The following PRPSAP1 variants were observed in gnomAD, a reference collection of about 807,000 sequenced individuals.
PRPSAP1 encodes phosphoribosyl pyrophosphate synthetase associated protein 1.
In PRPSAP1, 31 loss-of-function variants were observed where a neutral mutation model predicts 39.4. The observed-to-expected ratio is 0.79, with a 90% confidence interval of 0.59 to 1.06. The LOEUF (loss-of-function observed/expected upper bound fraction) is 1.06, where lower values mean the gene tolerates loss of function less well. Among genes scored for constraint, PRPSAP1 ranks in the 50% least tolerant of loss-of-function variants. The pLI, the probability that PRPSAP1 is intolerant of heterozygous loss-of-function variation, is 0.00. For missense variants in PRPSAP1, 430 were observed against 511.6 expected (o/e 0.84, Z 1.54); for synonymous variants, 212 against 192.6 (o/e 1.10, Z -0.83).
At chr17:76,314,508 C>T (rs542660743) in intron 7 of PRPSAP1, 38 of 152,508 alleles carry the variant, frequency 2.5e-4, no homozygotes, top group Non-Finnish European at 4.7e-4. Context: ...TGAGCCACCA[C>T]GCCCAACCTG....
intron 8 of PRPSAP1, 156 bp downstream of exon 8, chr17:76,313,665 A>C: frequency 1.4e-6 from 1 of 714,358 alleles, no homozygotes. Flanking sequence ...TCACCTGGAT[A>C]CAGGTTTCTG....
rs756646500 is a variant in PRPSAP1, at chr17:76,332,482, C to T, written c.291-47G>A. ...TTTGGGGATTAATTCCATGTATCAA[C>T]CCTAGAAAAGATCTTGACTTTATCA... On this transcript the variant is annotated intron_variant, in intron 3 of 9. Coordinates refer to ENST00000446526, the MANE Select transcript of PRPSAP1 (RefSeq NM_002766.3). The T allele has an allele frequency of 5.0e-6, 8 of 1,600,880 alleles. No homozygotes were observed. The South Asian group carries it at 5.5e-5, about 11-fold the overall frequency.
chr17:76,330,436 G>T, intron 5 of PRPSAP1, 115 bp downstream of exon 5: 1 of 758,292 alleles, frequency 1.3e-6, no homozygotes. Context: ...CTCAGGCATT[G>T]TGACTTAAGG....
intron 7 of PRPSAP1, among the ~76,000 whole-genome samples, chr17:76,327,514 G>A (rs771491004): frequency 2.0e-5 from 3 of 152,042 alleles, no homozygotes; most frequent in African/African-American, 4.8e-5. Context: ...TTAGCTCGGC[G>A]TGTTGGCGCG....
chr17:76,353,035 C>A (rs960585225), intron 1 of PRPSAP1: 1 of 153,674 alleles, frequency 6.5e-6, no homozygotes, highest in African/African-American at 2.4e-5. Context: ...CTGGAATTGC[C>A]TTCTTCGCAC....
At chr17:76,330,784 G>T in intron 4 of PRPSAP1, 118 bp from the exon 5 acceptor site, 1 of 590,886 alleles carries the variant, frequency 1.7e-6, no homozygotes, top group Non-Finnish European at 3.0e-6. Context: ...GGGGTACTGT[G>T]ATTAAGCACT....
chr17:76,333,781 C>T (rs1359128178), intron 3 of PRPSAP1, among the ~76,000 whole-genome samples: 1 of 152,192 alleles, frequency 6.6e-6, no homozygotes, highest in Non-Finnish European at 1.5e-5. Flanking sequence ...GAAGGAAAGG[C>T]AATTTCCAAT....
At chr17:76,318,055 CA>C (rs1366984644) in intron 7 of PRPSAP1, among the ~76,000 whole-genome samples, 1 of 152,162 alleles carries the variant, frequency 6.6e-6, no homozygotes, top group Non-Finnish European at 1.5e-5. Flanking sequence ...ATGCCAGCAG[CA>C]CCCCAGCTCC....
chr17:76,320,591 ATTT>A (rs34656314), intron 7 of PRPSAP1, among the ~76,000 whole-genome samples: 1 of 139,158 alleles, frequency 7.2e-6, no homozygotes. Context: ...CGTCCAGCTA[ATTT>A]TTTTTTTTTT....
intron 7 of PRPSAP1, 52 bp from the exon 8 acceptor site, chr17:76,313,943 G>C: frequency 6.3e-7 from 1 of 1,586,710 alleles, no homozygotes; most frequent in Non-Finnish European, 8.6e-7. Context: ...TATCACTAGA[G>C]AAATGTAATC....
intron 6 of PRPSAP1, among the ~76,000 whole-genome samples, chr17:76,329,467 G>A (rs764373227): frequency 3.3e-5 from 5 of 152,168 alleles, no homozygotes; most frequent in Admixed American, 3.3e-4. Flanking sequence ...GGGCACAGTG[G>A]CTTACGCCTG....
At chr17:76,347,378 T>C (rs1027095462) in intron 2 of PRPSAP1, among the ~76,000 whole-genome samples, 1 of 148,928 alleles carries the variant, frequency 6.7e-6, no homozygotes, top group African/African-American at 2.5e-5. Flanking sequence ...TCCCAGCTAC[T>C]TGGGAGGCTG....
At chr17:76,337,684 C>T (rs1215961482) in intron 3 of PRPSAP1, among the ~76,000 whole-genome samples, 1 of 152,214 alleles carries the variant, frequency 6.6e-6, no homozygotes, top group Non-Finnish European at 1.5e-5. Flanking sequence ...TGGCTCACTG[C>T]AACCTCTGCC....
intron 3 of PRPSAP1, among the ~76,000 whole-genome samples, chr17:76,335,142 TCTCA>T (rs1323316556): frequency 2.6e-5 from 4 of 152,108 alleles, no homozygotes; most frequent in Non-Finnish European, 1.5e-5. Flanking sequence ...AGAGGCAGGG[TCTCA>T]CTATGTTGCC....
At chr17:76,321,514 C>A (rs2071198633) in intron 7 of PRPSAP1, among the ~76,000 whole-genome samples, 1 of 151,564 alleles carries the variant, frequency 6.6e-6, no homozygotes, top group South Asian at 2.1e-4. Context: ...AACTCTGTCA[C>A]ACACACACAC....
At position 76,353,645 on chromosome 17, in the gene PRPSAP1, G is replaced by GGGACGCGGAAAGCCGA. The variant is rs1259270870; in HGVS notation, c.43_58dup (p.Pro20LeufsTer48). On this transcript the variant is annotated frameshift_variant, in exon 1 of 10. Transcript: ENST00000446526. LOFTEE classifies it high-confidence loss of function. ...CGGCGGGGGAACGGGGCGGGCGCGC[G>GGGACGCGGAAAGCCGA]GGACGCGGAAAGCCGAGGACGCGGA... 6.5e-7 allele frequency: 1 copy of GGGACGCGGAAAGCCGA among 1,535,366 alleles called. No individual in the cohort carries two copies. The highest frequency in any genetic ancestry group is 8.7e-7 in the Non-Finnish European group (1 of 1,146,756).
chr17:76,334,891 AAT>A (rs1279500165), intron 3 of PRPSAP1, among the ~76,000 whole-genome samples: 1 of 152,148 alleles, frequency 6.6e-6, no homozygotes, highest in African/African-American at 2.4e-5. Flanking sequence ...GGGAATTCAT[AAT>A]AGTCAATTTT....
intron 7 of PRPSAP1, chr17:76,314,444 TG>T (rs1369683041): frequency 1.2e-4 from 18 of 154,210 alleles, no homozygotes; most frequent in African/African-American, 4.4e-4. Flanking sequence ...CTCGAACTCC[TG>T]ACCTCAGGTG....
intron 7 of PRPSAP1, among the ~76,000 whole-genome samples, chr17:76,328,217 A>G (rs369570031): frequency 2.6e-5 from 4 of 152,000 alleles, no homozygotes; most frequent in Non-Finnish European, 5.9e-5. Context: ...GGAGGATAGC[A>G]AATACCATTC....
Sources: allele counts gnomAD v4.1 joint callset (sites outside exome capture counted in the v4.1 genomes callset), GRCh38; gene constraint gnomAD v4.1.1; transcripts MANE v1.5; gene names NCBI Gene and HGNC (gene_info 2026-07-23, HGNC 2026-07-21).